DACH1: variants seen among roughly 807,000 people sequenced by gnomAD.
DACH1 encodes dachshund family transcription factor 1.
DACH1 carries 12 observed loss-of-function variants against 54.2 expected under a neutral mutation model. The observed-to-expected ratio is 0.22, with a 90% CI of 0.14 to 0.36. The LOEUF is 0.36. Among genes scored for constraint, DACH1 ranks in the 10% least tolerant of loss-of-function variants. The probability of loss-of-function intolerance (pLI) is 1.00; values close to 1 mark genes in which losing one functional copy is unlikely to be tolerated. For missense variants in DACH1, 805 were observed against 929.8 expected, an observed-to-expected ratio of 0.87 and a Z score of 1.75; for synonymous variants, 386 against 366.2, an observed-to-expected ratio of 1.05 and a Z score of -0.62.
rs572384967 is a variant in DACH1 at position 71,853,763 on chromosome 13, C to T, written c.848+12159G>A. ...ATGAAAAAGTAGAAATTACTGCATG[C>T]AAATATTCAATATTCATTTAATTTG... On this transcript the variant is annotated intron_variant, in intron 1 of 10. Coordinates refer to ENST00000613252, the MANE Select transcript of DACH1 (RefSeq NM_080759.6). 3.9e-5 allele frequency among the ~76,000 whole-genome samples: 6 copies of T among 152,266 alleles called. No individual in the cohort carries two copies. The South Asian group carries it at 1.2e-3, about 32-fold the overall frequency.
chr13:71,655,051 G>C (rs1878997129), intron 2 of DACH1, among the ~76,000 whole-genome samples: 3 of 152,310 alleles, frequency 2.0e-5, no homozygotes, highest in African/African-American at 7.2e-5. Context: ...AGCTGAAGAT[G>C]TAAAACTAGA....
At chr13:71,523,571 G>C (rs1881749562) in intron 6 of DACH1, among the ~76,000 whole-genome samples, 2 of 152,122 alleles carry the variant, frequency 1.3e-5, no homozygotes, top group East Asian at 1.9e-4. Context: ...AGAGAGGAAG[G>C]GCCTAGAGAA....
At chr13:71,475,475 A>G (rs542409252) in intron 9 of DACH1, among the ~76,000 whole-genome samples, 1 of 152,162 alleles carries the variant, frequency 6.6e-6, no homozygotes, top group Non-Finnish European at 1.5e-5. Flanking sequence ...AATCTGGTTA[A>G]GCAGAGAAGT....
intron 7 of DACH1, among the ~76,000 whole-genome samples, chr13:71,483,422 AATT>A (rs1026068843): frequency 2.7e-4 from 39 of 147,086 alleles, no homozygotes; most frequent in Non-Finnish European, 4.8e-4. Context: ...TTACAGTTAA[AATT>A]ATTATATTTA....
intron 6 of DACH1, among the ~76,000 whole-genome samples, chr13:71,538,519 A>G (rs1025598757): frequency 6.6e-6 from 1 of 152,094 alleles, no homozygotes; most frequent in Non-Finnish European, 1.5e-5. Flanking sequence ...AACACAGGCA[A>G]GGGAATGTGA....
At chr13:71,620,881 T>A (rs1876184423) in intron 3 of DACH1, among the ~76,000 whole-genome samples, 1 of 151,990 alleles carries the variant, frequency 6.6e-6, no homozygotes, top group Non-Finnish European at 1.5e-5. Context: ...TTATTTATTT[T>A]TTTTAAAGTT....
intron 10 of DACH1, among the ~76,000 whole-genome samples, chr13:71,460,709 G>A (rs769522387): frequency 1.3e-5 from 2 of 151,870 alleles, no homozygotes; most frequent in African/African-American, 4.8e-5. Context: ...GTTGAATTTG[G>A]CCTGTATTTT....
chr13:71,827,197 C>G (rs1010923805), intron 1 of DACH1, among the ~76,000 whole-genome samples: 8 of 152,030 alleles, frequency 5.3e-5, no homozygotes, highest in African/African-American at 1.7e-4. Flanking sequence ...CCTCTAAACA[C>G]AGCTTACTAG....
chr13:71,800,297 T>C (rs1301044615), intron 1 of DACH1, among the ~76,000 whole-genome samples: 1 of 152,004 alleles, frequency 6.6e-6, no homozygotes, highest in Non-Finnish European at 1.5e-5. Flanking sequence ...CAAAGGGGAA[T>C]AGAAAGCTGA....
chr13:71,779,110 T>TACATATATAC (rs200381946), intron 1 of DACH1, among the ~76,000 whole-genome samples: 2,349 of 127,480 alleles, frequency 0.018, 45 homozygotes, highest in African/African-American at 0.021. Context: ...TATATATATA[T>TACATATATAC]ACATATATAC....
intron 1 of DACH1, among the ~76,000 whole-genome samples, chr13:71,806,281 A>G (rs1887498376): frequency 6.6e-6 from 1 of 152,168 alleles, no homozygotes; most frequent in Non-Finnish European, 1.5e-5. Flanking sequence ...TAGCTATACA[A>G]ATCAAGAGTG....
chr13:71,788,274 A>C (rs1487591368), intron 1 of DACH1, among the ~76,000 whole-genome samples: 1 of 152,134 alleles, frequency 6.6e-6, no homozygotes, highest in East Asian at 1.9e-4. Context: ...CTATGAAACA[A>C]AGAGGTGGGA....
At chr13:71,803,237 A>C (rs1197062556) in intron 1 of DACH1, among the ~76,000 whole-genome samples, 28 of 152,138 alleles carry the variant, frequency 1.8e-4, no homozygotes, top group Admixed American at 1.8e-3. Context: ...GAAGATGTGT[A>C]AGATTCCTGG....
At chr13:71,445,638 T>C (rs1874384764) in intron 10 of DACH1, among the ~76,000 whole-genome samples, 1 of 152,244 alleles carries the variant, frequency 6.6e-6, no homozygotes, top group Non-Finnish European at 1.5e-5. Context: ...CTGACTATCT[T>C]TCTTTCATTT....
intron 1 of DACH1, among the ~76,000 whole-genome samples, chr13:71,775,483 T>C (rs9599876): frequency 0.31 from 47,541 of 151,886 alleles, 7,972 homozygotes; most frequent in African/African-American, 0.41. Flanking sequence ...TGATTTAATA[T>C]CTTTGTATTG....
At chr13:71,848,916 G>A (rs942335860) in intron 1 of DACH1, among the ~76,000 whole-genome samples, 5 of 152,060 alleles carry the variant, frequency 3.3e-5, no homozygotes, top group African/African-American at 9.7e-5. Flanking sequence ...CTGAAATAAG[G>A]AGAAAAGTTA....
At chr13:71,778,234 G>A (rs1340393786) in intron 1 of DACH1, among the ~76,000 whole-genome samples, 1 of 151,932 alleles carries the variant, frequency 6.6e-6, no homozygotes, top group East Asian at 1.9e-4. Context: ...CAAGAGATTA[G>A]ACAACTCAGT....
intron 1 of DACH1, among the ~76,000 whole-genome samples, chr13:71,820,764 G>A (rs1191394835): frequency 1.3e-5 from 2 of 152,084 alleles, no homozygotes; most frequent in Non-Finnish European, 2.9e-5. Flanking sequence ...TGACTTCCAC[G>A]GAGAAAGGAT....
In DACH1 at chr13:71,630,597, T is replaced by C; in HGVS notation, c.1085A>G (p.His362Arg). 6.2e-7 allele frequency: 1 copy of C among 1,606,904 alleles called. No homozygotes were observed. Among genetic ancestry groups the C allele is most frequent in the Non-Finnish European group, 8.5e-7 (1 of 1,178,198 alleles). The change falls in exon 3 of 11, where the codon CAT (histidine) becomes CGT (arginine). Residue 362 changes from histidine (H) to arginine (R), a missense_variant. Physicochemically the swap from His to Arg is conservative, Grantham distance 29. Coordinates refer to ENST00000613252, the MANE Select transcript of DACH1 (RefSeq NM_080759.6). ...MSNYHASNNQ[H>R]GADSENGDMN... ...GTCCCCGTTTTCAGAGTCTGCTCCA[T>C]GTTGGTTATTACTGGCATGATAGTT...
Sources: gnomAD v4.1 joint callset for allele counts (sites outside exome capture counted in the v4.1 genomes callset) on GRCh38, gnomAD v4.1.1 for gene constraint, MANE v1.5 for transcripts, NCBI Gene and HGNC (gene_info 2026-07-23, HGNC 2026-07-21) for gene names.